TASP1: variants seen among roughly 807,000 people sequenced by gnomAD.
TASP1 encodes threonine aspartase 1.
TASP1 carries 16 observed loss-of-function variants against 56.6 expected under a neutral mutation model. The observed-to-expected ratio is 0.28, with a 90% CI of 0.19 to 0.43. The LOEUF (loss-of-function observed/expected upper bound fraction) is 0.43, where lower values mean the gene tolerates loss of function less well. Ranked by LOEUF, TASP1 falls within the 20% of genes least tolerant of loss-of-function variation. The pLI is 1.00. For missense variants in TASP1, 393 were observed against 511.6 expected (o/e 0.77, Z 2.24); for synonymous variants, 179 against 184.2 (o/e 0.97, Z 0.23).
At chr20:13,287,746 T>G in the TASP1 span, among the ~76,000 whole-genome samples, 1 of 152,228 alleles carries the variant, frequency 6.6e-6, no homozygotes. Context: ...ACTGGATGGA[T>G]GTTGAATAAT....
chr20:13,469,814 TTTTTTTTTTTTTG>T (rs2044415212), intron 11 of TASP1, among the ~76,000 whole-genome samples: 1 of 123,634 alleles, frequency 8.1e-6, no homozygotes, highest in Admixed American at 8.3e-5. Flanking sequence ...TTTTTTTTTT[TTTTTTTTTTTTTG>T]AGAGAGTGTC....
At chr20:13,237,993 T>G in the TASP1 span, 1 of 152,162 alleles carries the variant, frequency 6.6e-6, no homozygotes. Flanking sequence ...ACCAGCAAAT[T>G]TACTGCTTGA....
At chr20:13,354,657 T>C in the TASP1 span, among the ~76,000 whole-genome samples, 1 of 152,082 alleles carries the variant, frequency 6.6e-6, no homozygotes, top group Admixed American at 6.5e-5. Context: ...AAGGAAAAAG[T>C]GCGCCAAGAA....
intron 11 of TASP1, among the ~76,000 whole-genome samples, chr20:13,472,039 T>G (rs180941650): frequency 2.6e-5 from 4 of 151,654 alleles, no homozygotes; most frequent in Admixed American, 2.0e-4. Context: ...GCCAAGACAA[T>G]CCTAAGCAAA....
chr20:13,244,963 G>A, the TASP1 span, among the ~76,000 whole-genome samples: 5 of 152,210 alleles, frequency 3.3e-5, no homozygotes, highest in Non-Finnish European at 7.3e-5. Context: ...AAAGAAAGGA[G>A]TGGTGGAGAG....
the TASP1 span, among the ~76,000 whole-genome samples, chr20:13,195,922 C>T: frequency 6.6e-6 from 1 of 152,112 alleles, no homozygotes; most frequent in Admixed American, 6.6e-5. Flanking sequence ...TCAAGCATGG[C>T]CTGCCTCCAG....
the TASP1 span, chr20:13,239,023 G>T: frequency 6.6e-6 from 1 of 152,238 alleles, no homozygotes; most frequent in Non-Finnish European, 1.5e-5. Context: ...AGAGTGTGAA[G>T]TGTGATGGTG....
chr20:13,576,394 A>AAAGT lies in TASP1; in HGVS notation c.488+4499_488+4502dup, dbSNP rs1555793614. On this transcript the variant is annotated intron_variant, in intron 6 of 13. Coordinates refer to ENST00000337743, the MANE Select transcript of TASP1 (RefSeq NM_017714.3). ...GAAAGAAAGAAAGAAAGAAAGAAAG[A>AAAGT]AAGTCAGTCTTATGGAATCTATAAA... Among the ~76,000 whole-genome samples, 848 of 147,240 alleles carry AAAGT rather than the reference A, an allele frequency of 5.8e-3. 5 individuals are homozygous for AAAGT. Among genetic ancestry groups the AAAGT allele is most frequent in the Non-Finnish European group, 7.2e-3 (486 of 67,044 alleles).
At chr20:13,281,248 A>T in the TASP1 span, among the ~76,000 whole-genome samples, 1 of 152,326 alleles carries the variant, frequency 6.6e-6, no homozygotes, top group Middle Eastern at 3.4e-3. Context: ...GGAGAAAATT[A>T]ACCAACAGAG....
the TASP1 span, among the ~76,000 whole-genome samples, chr20:13,358,787 T>C: frequency 6.7e-6 from 1 of 150,356 alleles, no homozygotes; most frequent in Non-Finnish European, 1.5e-5. Context: ...CACCCACGTT[T>C]CAAGGGTGTC....
At chr20:13,211,477 G>T in the TASP1 span, among the ~76,000 whole-genome samples, 9 of 151,990 alleles carry the variant, frequency 5.9e-5, no homozygotes, top group African/African-American at 1.7e-4. Context: ...TTTCCTTCTA[G>T]GATTTCTCTA....
intron 11 of TASP1, among the ~76,000 whole-genome samples, chr20:13,447,151 T>A (rs2146269989): frequency 6.6e-6 from 1 of 152,136 alleles, no homozygotes; most frequent in East Asian, 1.9e-4. Flanking sequence ...AAACAGTGTT[T>A]GAGAGTACCT....
chr20:13,206,791 C>T, the TASP1 span, among the ~76,000 whole-genome samples: 11 of 152,312 alleles, frequency 7.2e-5, no homozygotes, highest in East Asian at 1.9e-4. Flanking sequence ...GGCCAGAATT[C>T]GGCCATATGA....
the TASP1 span, among the ~76,000 whole-genome samples, chr20:13,128,791 A>C: frequency 6.6e-6 from 1 of 151,714 alleles, no homozygotes; most frequent in Non-Finnish European, 1.5e-5. Context: ...CCCAGACTCA[A>C]GTGATTCTCC....
rs1054104907 is a variant in TASP1, at chr20:13,452,951, G to A, written c.986-17797C>T. 5.9e-5 allele frequency among the ~76,000 whole-genome samples: 9 copies of A among 152,204 alleles called. No homozygotes were observed. The East Asian group carries it at 1.4e-3, about 23-fold the overall frequency. Reference sequence around the variant, plus strand: ...GACCTAGAGAAAGGCTGAAGGCTGCGTGACCAGGACATGTGGAAAGATGAT... The same window carrying A: ...GACCTAGAGAAAGGCTGAAGGCTGCATGACCAGGACATGTGGAAAGATGAT... On this transcript the variant is annotated intron_variant, in intron 11 of 13. Transcript: ENST00000337743.
chr20:13,611,402 T>G (rs572156971), intron 4 of TASP1, among the ~76,000 whole-genome samples: 2 of 152,290 alleles, frequency 1.3e-5, no homozygotes, highest in South Asian at 4.1e-4. Context: ...AATTTTAGAG[T>G]GATATACTTT....
chr20:13,407,173 T>C lies in TASP1; in HGVS notation c.1170+10275A>G, dbSNP rs527470462. ...TAGTTTTTAATATATTTGCAAAATG[T>C]GCAATGTTCTAATTCCAGAAAATTT... On this transcript the variant is annotated intron_variant, in intron 13 of 13. Coordinates refer to ENST00000337743, the MANE Select transcript of TASP1 (RefSeq NM_017714.3). Among the ~76,000 whole-genome samples, 6 of 152,340 alleles carry C rather than the reference T, an allele frequency of 3.9e-5. No homozygotes were observed. In the South Asian group the frequency reaches 1.2e-3, roughly 32 times the overall value.
chr20:13,345,074 A>G, the TASP1 span, among the ~76,000 whole-genome samples: 5 of 152,084 alleles, frequency 3.3e-5, no homozygotes, highest in African/African-American at 1.2e-4. Flanking sequence ...GCCTAGAAAC[A>G]TCAACCTGCC....
At chr20:13,190,112 G>T in the TASP1 span, among the ~76,000 whole-genome samples, 1 of 152,140 alleles carries the variant, frequency 6.6e-6, no homozygotes, top group Non-Finnish European at 1.5e-5. Flanking sequence ...GGTGCACATG[G>T]ACATAAAGAT....
Sources: allele counts gnomAD v4.1 joint callset (sites outside exome capture counted in the v4.1 genomes callset), GRCh38; gene constraint gnomAD v4.1.1; transcripts MANE v1.5; gene names NCBI Gene and HGNC (gene_info 2026-07-23, HGNC 2026-07-21).